Variants in PLEKHA7 observed in about 807,000 individuals in gnomAD.
PLEKHA7 encodes pleckstrin homology domain containing A7, also known as pleckstrin homology domain-containing family A member 7.
Under a neutral mutation model 170.0 loss-of-function variants are expected in PLEKHA7, and 104 were observed. That is an observed-to-expected ratio of 0.61 (90% confidence interval 0.52 to 0.72). PLEKHA7 has a LOEUF of 0.72. Among genes scored for constraint, PLEKHA7 ranks in the 30% least tolerant of loss-of-function variants. PLEKHA7 has a pLI of 0.00. For missense variants in PLEKHA7, 1,615 were observed against 1,671.7 expected (o/e 0.97, Z 0.59); for synonymous variants, 648 against 660.8 (o/e 0.98, Z 0.30).
At chr11:16,975,198 C>G (rs1461553359) in intron 3 of PLEKHA7, among the ~76,000 whole-genome samples, 1 of 152,154 alleles carries the variant, frequency 6.6e-6, no homozygotes, top group African/African-American at 2.4e-5. Flanking sequence ...CTGATCTGTT[C>G]TCCATTACTA....
At chr11:16,858,203 T>TAGAA (rs1853630530) in intron 4 of PLEKHA7, among the ~76,000 whole-genome samples, 2 of 151,562 alleles carry the variant, frequency 1.3e-5, no homozygotes. Context: ...CTGGGTTTTC[T>TAGAA]GCAGGGGAAG....
intron 4 of PLEKHA7, among the ~76,000 whole-genome samples, chr11:16,866,768 C>G (rs1854430519): frequency 1.3e-5 from 2 of 152,190 alleles, no homozygotes; most frequent in African/African-American, 4.8e-5. Flanking sequence ...AACAAGAACA[C>G]TCAGAGCTCA....
rs143827629 is a variant in PLEKHA7 at position 16,961,528 on chromosome 11, C to G, written c.221+52461G>C. ...GAAGTGGCCCAGAAAAGAGGCCCTC[C>G]AACCCTGCACCCACCCCTGGCTGTG... On this transcript the variant is annotated intron_variant, in intron 3 of 26. Transcript: ENST00000531066. Among the ~76,000 whole-genome samples the G allele has an allele frequency of 2.5e-3, 384 of 152,336 alleles. 4 individuals carry two copies. Among genetic ancestry groups the G allele is most frequent in the African/African-American group, 8.8e-3 (367 of 41,582 alleles).
intron 3 of PLEKHA7, among the ~76,000 whole-genome samples, chr11:16,943,199 T>G (rs571954551): frequency 2.0e-5 from 3 of 152,232 alleles, no homozygotes; most frequent in African/African-American, 7.2e-5. Context: ...ATATTTTACT[T>G]AACCCAAAAT....
intron 4 of PLEKHA7, among the ~76,000 whole-genome samples, chr11:16,863,655 C>T (rs1426953990): frequency 6.6e-6 from 1 of 152,148 alleles, no homozygotes; most frequent in African/African-American, 2.4e-5. Context: ...TCCCCGAGAG[C>T]TGCAGAGGCA....
intron 3 of PLEKHA7, among the ~76,000 whole-genome samples, chr11:17,013,639 T>C (rs1404148166): frequency 1.3e-5 from 2 of 152,184 alleles, no homozygotes; most frequent in Non-Finnish European, 2.9e-5. Flanking sequence ...CCCATCCAGG[T>C]CCCGGCACTC....
intron 3 of PLEKHA7, among the ~76,000 whole-genome samples, chr11:16,948,700 T>G (rs1002533191): frequency 1.3e-5 from 2 of 151,982 alleles, no homozygotes; most frequent in Non-Finnish European, 2.9e-5. Context: ...CTCTTGCAAG[T>G]TCACAGGAGC....
rs115014827 is a variant in PLEKHA7, at chr11:16,884,731, A to G, written c.222-13549T>C. On this transcript the variant is annotated intron_variant, in intron 3 of 26. Transcript: ENST00000531066. The stretch of plus-strand genomic sequence containing the variant: ...ACTGTCGCAACTCTGGGCCCCAAGG[A>G]GAGGCAGAATGACCTTTTTATTTCC... Among the ~76,000 whole-genome samples the G allele has an allele frequency of 3.8e-3, 581 of 152,328 alleles. 4 individuals are homozygous for G. Among genetic ancestry groups the G allele is most frequent in the African/African-American group, 0.013 (557 of 41,562 alleles).
chr11:16,862,599 G>A (rs1375695067), intron 4 of PLEKHA7, among the ~76,000 whole-genome samples: 1 of 152,204 alleles, frequency 6.6e-6, no homozygotes, highest in Non-Finnish European at 1.5e-5. Flanking sequence ...AGCCACCACT[G>A]CAGCATTTTT....
At chr11:17,011,684 T>C (rs1030597515) in intron 3 of PLEKHA7, among the ~76,000 whole-genome samples, 1 of 151,920 alleles carries the variant, frequency 6.6e-6, no homozygotes, top group Admixed American at 6.6e-5. Context: ...TCAGAACATC[T>C]CTCTTCTGTC....
intron 17 of PLEKHA7, among the ~76,000 whole-genome samples, chr11:16,796,062 T>C (rs1308132275): frequency 6.6e-6 from 1 of 151,962 alleles, no homozygotes; most frequent in African/African-American, 2.4e-5. Flanking sequence ...TTTCACCACA[T>C]TGGCCAGGCT....
At chr11:16,942,210 T>G (rs1295632275) in intron 3 of PLEKHA7, among the ~76,000 whole-genome samples, 2 of 152,160 alleles carry the variant, frequency 1.3e-5, no homozygotes, top group Admixed American at 6.5e-5. Context: ...GGGTCAGATT[T>G]TGTGCCTCAT....
intron 26 of PLEKHA7, among the ~76,000 whole-genome samples, chr11:16,779,987 G>C (rs964070254): frequency 1.1e-4 from 16 of 144,706 alleles, no homozygotes; most frequent in African/African-American, 4.0e-4. Flanking sequence ...GGGAGGGGGG[G>C]GGGAATATCT....
At chr11:16,810,643 ATAACGT>A (rs1849307784) in intron 13 of PLEKHA7, among the ~76,000 whole-genome samples, 2 of 152,208 alleles carry the variant, frequency 1.3e-5, no homozygotes, top group South Asian at 4.1e-4. Flanking sequence ...CAATAACTAG[ATAACGT>A]TCTAATCATG....
intron 2 of PLEKHA7, 38 bp downstream of exon 2, chr11:17,014,087 C>A (rs957587283): frequency 1.3e-6 from 2 of 1,583,286 alleles, no homozygotes; most frequent in Non-Finnish European, 8.6e-7. Flanking sequence ...CTTGGGCCGC[C>A]GCTGCGCGCG....
At chr11:16,797,094 A>G (rs1414286900) in intron 17 of PLEKHA7, among the ~76,000 whole-genome samples, 1 of 152,248 alleles carries the variant, frequency 6.6e-6, no homozygotes, top group East Asian at 1.9e-4. Context: ...ACATATCTAC[A>G]TACAATGGGG....
At chr11:16,885,183 A>T (rs561094382) in intron 3 of PLEKHA7, among the ~76,000 whole-genome samples, 2 of 152,268 alleles carry the variant, frequency 1.3e-5, no homozygotes, top group East Asian at 3.9e-4. Flanking sequence ...TACAAAAATT[A>T]TCCAGGTGTG....
At chr11:16,983,800 C>T (rs1863575407) in intron 3 of PLEKHA7, among the ~76,000 whole-genome samples, 1 of 152,184 alleles carries the variant, frequency 6.6e-6, no homozygotes, top group Admixed American at 6.5e-5. Context: ...GCCGTAGCTC[C>T]CAAAAGGGCA....
intron 3 of PLEKHA7, among the ~76,000 whole-genome samples, chr11:16,939,543 A>C (rs1294865498): frequency 1.3e-5 from 2 of 152,254 alleles, no homozygotes; most frequent in African/African-American, 4.8e-5. Context: ...TATTGAGTCA[A>C]TTTAAAGAAA....
Sources: gnomAD v4.1 joint callset for allele counts (sites outside exome capture counted in the v4.1 genomes callset) on GRCh38, gnomAD v4.1.1 for gene constraint, MANE v1.5 for transcripts, NCBI Gene and HGNC (gene_info 2026-07-23, HGNC 2026-07-21) for gene names.